SHISA9: variants seen among roughly 807,000 people sequenced by gnomAD.
The protein encoded by SHISA9 is protein shisa-9.
SHISA9 carries 13 observed loss-of-function variants against 38.0 expected under a neutral mutation model. That is an observed-to-expected ratio of 0.34 (90% confidence interval 0.22 to 0.54). The LOEUF (loss-of-function observed/expected upper bound fraction) is 0.54. Among genes scored for constraint, SHISA9 ranks in the 20% least tolerant of loss-of-function variants. The pLI, the probability that SHISA9 is intolerant of heterozygous loss-of-function variation, is 0.91. For missense variants in SHISA9, 538 were observed against 575.8 expected (o/e 0.93, Z 0.67); for synonymous variants, 275 against 242.0 (o/e 1.14, Z -1.27).
chr16:13,220,291 T>G (rs1191150275), intron 4 of SHISA9, among the ~76,000 whole-genome samples: 1 of 152,166 alleles, frequency 6.6e-6, no homozygotes, highest in Non-Finnish European at 1.5e-5. Context: ...CTGCTCCATG[T>G]GCCTCATCCT....
rs377742768 is a variant in SHISA9 at position 13,073,867 on chromosome 16, C to A, written c.692-129527C>A. On this transcript the variant is annotated intron_variant, in intron 2 of 4. Transcript: ENST00000558583. ...GGAACGAGGCATGGGACAGGTTCTC[C>A]TGCAGCGCGTCCAGAAGAAACCAAG... is the stretch of plus-strand genomic sequence containing the variant. Among the ~76,000 whole-genome samples, 75 of 152,142 alleles carry A rather than the reference C, an allele frequency of 4.9e-4. 1 individual carries two copies. The East Asian group carries it at 9.9e-3, about 20-fold the overall frequency.
chr16:13,002,908 CAAT>C (rs1311747589), intron 2 of SHISA9, among the ~76,000 whole-genome samples: 1 of 152,038 alleles, frequency 6.6e-6, no homozygotes, highest in African/African-American at 2.4e-5. Context: ...TATTTAATTA[CAAT>C]AATGATTTAT....
In SHISA9 at chr16:13,126,801, G is replaced by GGA. The variant is rs527384974; in HGVS notation, c.692-76577_692-76576dup. 9.8e-3 allele frequency among the ~76,000 whole-genome samples: 1,340 copies of GGA among 136,558 alleles called. 13 individuals are homozygous for GGA. Among genetic ancestry groups the GGA allele is most frequent in the Non-Finnish European group, 0.016 (1,032 of 62,666 alleles). 89.6% of individuals were successfully genotyped at this position (136,558 alleles called of 152,430 possible). ...GAGGGAAAGAAAGAGACTGAGGGGA[G>GGA]GAGAGAGAGAGAGAGAGCTGAGGGA... On this transcript the variant is annotated intron_variant, in intron 2 of 4. Transcript: ENST00000558583.
chr16:12,953,500 A>T (rs973195732), intron 2 of SHISA9, among the ~76,000 whole-genome samples: 2 of 152,264 alleles, frequency 1.3e-5, no homozygotes, highest in Admixed American at 1.3e-4. Flanking sequence ...AACAGAAAGC[A>T]TAAGGACATT....
At chr16:13,274,414 C>T in the SHISA9 span, among the ~76,000 whole-genome samples, 1 of 152,048 alleles carries the variant, frequency 6.6e-6, no homozygotes, top group Non-Finnish European at 1.5e-5. Context: ...ATTGCTAATA[C>T]AACTCTTGAA....
At chr16:13,500,560 G>A in the SHISA9 span, among the ~76,000 whole-genome samples, 1 of 150,812 alleles carries the variant, frequency 6.6e-6, no homozygotes, top group Admixed American at 6.6e-5. Flanking sequence ...CAATGGAAGT[G>A]AGAGAAAGAG....
In SHISA9 at chr16:13,238,853, A is replaced by T. The variant is rs547854026; in HGVS notation, c.*3444A>T. 3.3e-4 allele frequency: 33 copies of T among 99,570 alleles called. No individual in the cohort carries two copies. Among genetic ancestry groups the T allele is most frequent in the Non-Finnish European group, 6.6e-5 (3 of 45,538 alleles). 6.2% of individuals were successfully genotyped at this position (99,570 alleles called of 1,614,324 possible). A position where few individuals can be genotyped will look rare whatever the true frequency, so the allele number is the denominator to read the frequency against. On this transcript the variant is annotated 3_prime_UTR_variant, in exon 5 of 5. Coordinates refer to ENST00000558583, the MANE Select transcript of SHISA9 (RefSeq NM_001145204.3). The stretch of plus-strand genomic sequence containing the variant: ...TTATTATTATTATTATTATTATTAT[A>T]CTTTAAGTTTTAGGGTACATGTGCA...
rs916833220 is a variant in SHISA9 at position 13,238,051 on chromosome 16, G to A, written c.*2642G>A. The A allele has an allele frequency of 1.3e-4, 20 of 152,140 alleles. No individual in the cohort carries two copies. The highest frequency in any genetic ancestry group is 4.1e-4 in the African/African-American group (17 of 41,440). The allele number at this position is 152,140 out of a possible 1,614,324, so 9.4% of individuals were successfully genotyped here. On this transcript the variant is annotated 3_prime_UTR_variant, in exon 5 of 5. Transcript: ENST00000558583. ...AATAAGTACAAAGGAAACAAGCAGC[G>A]ATGATTAAATTCCAGCTGGAGTCTG...
At chr16:12,909,754 A>G (rs1490446622) in intron 1 of SHISA9, 1 of 215,126 alleles carries the variant, frequency 4.6e-6, no homozygotes, top group South Asian at 1.7e-4. Flanking sequence ...TCATTTTTAC[A>G]TTATGGTCTA....
intron 2 of SHISA9, among the ~76,000 whole-genome samples, chr16:13,036,396 A>G (rs982878927): frequency 2.3e-4 from 35 of 152,318 alleles, no homozygotes; most frequent in South Asian, 4.1e-4. Context: ...ACATAATTTC[A>G]TTTATTTGAA....
chr16:13,490,667 A>G, the SHISA9 span, among the ~76,000 whole-genome samples: 5 of 152,000 alleles, frequency 3.3e-5, no homozygotes, highest in Admixed American at 1.3e-4. Flanking sequence ...TCTCTGCCCA[A>G]TTTTCTTCTT....
chr16:13,507,029 C>A, the SHISA9 span, among the ~76,000 whole-genome samples: 1 of 151,736 alleles, frequency 6.6e-6, no homozygotes, highest in Non-Finnish European at 1.5e-5. Context: ...GGTAACAGAA[C>A]AAGATCCTGT....
the SHISA9 span, chr16:13,246,172 C>G: frequency 6.6e-6 from 1 of 152,276 alleles, no homozygotes; most frequent in South Asian, 2.1e-4. Context: ...TCCCGTAATT[C>G]CCACGTGTTG....
chr16:13,150,487 A>G (rs1488643428), intron 2 of SHISA9, among the ~76,000 whole-genome samples: 1 of 152,194 alleles, frequency 6.6e-6, no homozygotes, highest in Non-Finnish European at 1.5e-5. Context: ...CACAGCAAGT[A>G]GCTAAGAAAG....
At chr16:13,444,904 GC>G in the SHISA9 span, among the ~76,000 whole-genome samples, 3 of 147,468 alleles carry the variant, frequency 2.0e-5, no homozygotes, top group Admixed American at 2.1e-4. Context: ...TGCAACCTCT[GC>G]CCCCCTGGGC....
intron 2 of SHISA9, among the ~76,000 whole-genome samples, chr16:13,186,268 A>G (rs1355261463): frequency 6.9e-6 from 1 of 145,832 alleles, no homozygotes; most frequent in African/African-American, 2.5e-5. Context: ...AAAAAATAAC[A>G]TGAAATTTAC....
intron 2 of SHISA9, among the ~76,000 whole-genome samples, chr16:12,992,836 C>T (rs2072405677): frequency 6.6e-6 from 1 of 152,186 alleles, no homozygotes; most frequent in Non-Finnish European, 1.5e-5. Context: ...TGAATGCATA[C>T]CATGTACTAG....
chr16:13,359,259 T>A, the SHISA9 span, among the ~76,000 whole-genome samples: 2 of 152,136 alleles, frequency 1.3e-5, no homozygotes, highest in Non-Finnish European at 2.9e-5. Flanking sequence ...GCGGGGTGGA[T>A]CATTTGAGGT....
the SHISA9 span, among the ~76,000 whole-genome samples, chr16:13,464,829 AC>A: frequency 7.8e-6 from 1 of 128,932 alleles, no homozygotes; most frequent in African/African-American, 2.9e-5. Context: ...GCCCACCCCC[AC>A]CCCCCACCTT....
Sources: gnomAD v4.1 joint callset for allele counts (sites outside exome capture counted in the v4.1 genomes callset) on GRCh38, gnomAD v4.1.1 for gene constraint, MANE v1.5 for transcripts, NCBI Gene and HGNC (gene_info 2026-07-23, HGNC 2026-07-21) for gene names.